The following PDPN variants were observed in gnomAD, a reference collection of about 807,000 sequenced individuals.
PDPN encodes PA2.26 antigen.
PDPN carries 12 observed loss-of-function variants against 23.2 expected under a neutral mutation model. That is an observed-to-expected ratio of 0.52 (90% CI 0.33 to 0.84). The LOEUF is 0.84. Ranked by LOEUF, PDPN falls within the 40% of genes least tolerant of loss-of-function variation. The probability of loss-of-function intolerance (pLI) is 0.02; values close to 1 mark genes in which losing one functional copy is unlikely to be tolerated. For missense variants in PDPN, 199 were observed against 212.2 expected, an observed-to-expected ratio of 0.94 and a Z score of 0.39; for synonymous variants, 77 against 76.7, an observed-to-expected ratio of 1.00 and a Z score of -0.02.
chr1:13,607,385 TTA>T, intron 2 of PDPN, 79 bp downstream of exon 2: 1 of 1,058,496 alleles, frequency 9.4e-7, no homozygotes, highest in Non-Finnish European at 1.3e-6. Flanking sequence ...TTAATTTACT[TTA>T]TATAAAAATA....
intron 3 of PDPN, among the ~76,000 whole-genome samples, chr1:13,613,385 A>C (rs1328133102): frequency 6.6e-6 from 1 of 152,172 alleles, no homozygotes; most frequent in African/African-American, 2.4e-5. Flanking sequence ...TTGATCATTT[A>C]TTTAAGATCT....
At chr1:13,613,449 A>ACC (rs1640986053) in intron 3 of PDPN, among the ~76,000 whole-genome samples, 1 of 152,142 alleles carries the variant, frequency 6.6e-6, no homozygotes, top group Non-Finnish European at 1.5e-5. Context: ...TAATACGTAG[A>ACC]AAAGTGCTAT....
intron 1 of PDPN, among the ~76,000 whole-genome samples, chr1:13,603,383 C>T (rs1640697721): frequency 6.6e-6 from 1 of 151,968 alleles, no homozygotes; most frequent in Non-Finnish European, 1.5e-5. Flanking sequence ...AACTCCATCT[C>T]AAAGAAAAGA....
intron 2 of PDPN, among the ~76,000 whole-genome samples, chr1:13,607,511 T>C (rs1378034892): frequency 6.6e-6 from 1 of 152,210 alleles, no homozygotes; most frequent in Non-Finnish European, 1.5e-5. Context: ...AACTGTGACT[T>C]GAAGCAAAAT....
chr1:13,613,796 A>G, intron 4 of PDPN, 71 bp downstream of exon 4: 1 of 804,882 alleles, frequency 1.2e-6, no homozygotes, highest in Non-Finnish European at 2.2e-6. Flanking sequence ...CTAATTGTTG[A>G]GACGAATTGC....
intron 1 of PDPN, chr1:13,585,719 G>A (rs1640159802): frequency 8.7e-7 from 1 of 1,153,010 alleles, no homozygotes; most frequent in Admixed American, 1.9e-5. Context: ...GAAGTGGTAT[G>A]CGGGGCTGGC....
At chr1:13,611,228 AAAAC>A (rs1276547817) in intron 3 of PDPN, among the ~76,000 whole-genome samples, 2 of 138,524 alleles carry the variant, frequency 1.4e-5, no homozygotes, top group African/African-American at 5.4e-5. Context: ...CTCAAAAAAA[AAAAC>A]AAAACAAAAA....
rs571184720 is a variant in PDPN, at chr1:13,593,855, A to G, written c.67+9755A>G. ...CATTTGGTACTAAGTGGCCCTCCCTAGAAGGGGAATGTTCGTGACACCAGC... is the reference window on the plus strand; with the variant it reads ...CATTTGGTACTAAGTGGCCCTCCCTGGAAGGGGAATGTTCGTGACACCAGC... On this transcript the variant is annotated intron_variant, in intron 1 of 5. Coordinates refer to ENST00000621990, the MANE Select transcript of PDPN (RefSeq NM_006474.5). 2.0e-5 allele frequency among the ~76,000 whole-genome samples: 3 copies of G among 152,322 alleles called. No homozygotes were observed. In the East Asian group the frequency reaches 5.8e-4, roughly 29 times the overall value.
At chr1:13,596,995 G>A (rs972788263) in intron 1 of PDPN, among the ~76,000 whole-genome samples, 2 of 152,120 alleles carry the variant, frequency 1.3e-5, no homozygotes, top group Admixed American at 6.6e-5. Context: ...TTATTTTCAG[G>A]CTTCTGGGCT....
chr1:13,597,611 G>A (rs1299820568), intron 1 of PDPN, among the ~76,000 whole-genome samples: 1 of 152,184 alleles, frequency 6.6e-6, no homozygotes, highest in African/African-American at 2.4e-5. Flanking sequence ...ACGAGAGGAA[G>A]TCCCCATCTA....
At chr1:13,599,445 G>A (rs1010185766) in intron 1 of PDPN, among the ~76,000 whole-genome samples, 3 of 140,586 alleles carry the variant, frequency 2.1e-5, no homozygotes, top group African/African-American at 8.1e-5. Context: ...AAGTGCAGTG[G>A]CGCAATCTCA....
rs72867979 is a variant in PDPN, at chr1:13,616,067, C to T, written c.*156C>T. On this transcript the variant is annotated 3_prime_UTR_variant, in exon 6 of 6. Transcript: ENST00000621990. ...TGACCTCTCCGCTTGCCAAAATAAC[C>T]GAAGGAAAGACCGTTCACCAGACTT... 960 of 686,506 alleles carry T rather than the reference C, an allele frequency of 1.4e-3. 1 individual carries two copies. In the African/African-American group the frequency reaches 0.014, roughly 10 times the overall value. The allele number at this position is 686,506 out of a possible 1,614,324, so 42.5% of individuals were successfully genotyped here. A position where few individuals can be genotyped will look rare whatever the true frequency, so the allele number is the denominator to read the frequency against.
chr1:13,593,363 A>C (rs72867956), intron 1 of PDPN, among the ~76,000 whole-genome samples: 2,242 of 152,302 alleles, frequency 0.015, 56 homozygotes, highest in African/African-American at 0.049. Context: ...GAAGACAGTC[A>C]TCTAAAAGAG....
intron 1 of PDPN, among the ~76,000 whole-genome samples, chr1:13,590,877 G>T (rs2100212088): frequency 6.6e-6 from 1 of 150,658 alleles, no homozygotes; most frequent in East Asian, 2.0e-4. Context: ...GGAGGGGCGG[G>T]TGGGGGTGGT....
intron 1 of PDPN, among the ~76,000 whole-genome samples, chr1:13,591,328 A>ACTAT (rs1381341530): frequency 3.3e-5 from 5 of 152,226 alleles, no homozygotes; most frequent in Non-Finnish European, 7.3e-5. Flanking sequence ...AGCACTCATG[A>ACTAT]CTATATTCAC....
chr1:13,586,854 C>T (rs1640193492), intron 1 of PDPN, among the ~76,000 whole-genome samples: 1 of 151,214 alleles, frequency 6.6e-6, no homozygotes, highest in Non-Finnish European at 1.5e-5. Flanking sequence ...GAGTTCGAGA[C>T]CAGCCTGGCC....
intron 1 of PDPN, among the ~76,000 whole-genome samples, chr1:13,591,509 C>T (rs1640342199): frequency 6.6e-6 from 1 of 152,136 alleles, no homozygotes; most frequent in Admixed American, 6.5e-5. Flanking sequence ...CAGTCATTCC[C>T]ATTTCCTCCT....
At chr1:13,612,027 C>T (rs935751345) in intron 3 of PDPN, among the ~76,000 whole-genome samples, 1 of 152,140 alleles carries the variant, frequency 6.6e-6, no homozygotes, top group Admixed American at 6.6e-5. Context: ...TTTTCTGTTC[C>T]TTTAAAAAAA....
intron 1 of PDPN, among the ~76,000 whole-genome samples, chr1:13,593,779 C>A (rs1037319641): frequency 6.6e-6 from 1 of 152,184 alleles, no homozygotes; most frequent in Non-Finnish European, 1.5e-5. Flanking sequence ...CCCAAACACA[C>A]CCCATTGAGA....
Sources: gnomAD v4.1 joint callset for allele counts (sites outside exome capture counted in the v4.1 genomes callset) on GRCh38, gnomAD v4.1.1 for gene constraint, MANE v1.5 for transcripts, NCBI Gene and HGNC (gene_info 2026-07-23, HGNC 2026-07-21) for gene names.